The following NPR2 variants were observed in gnomAD, a reference collection of about 807,000 sequenced individuals.
NPR2 encodes natriuretic peptide receptor 2.
NPR2 carries 49 observed loss-of-function variants against 120.7 expected under a neutral mutation model. The ratio of observed to expected loss-of-function variants is 0.41; its 90% CI spans 0.32 to 0.52. The LOEUF is 0.52. Among genes scored for constraint, NPR2 ranks in the 20% least tolerant of loss-of-function variants. NPR2 has a pLI of 0.36. For missense variants in NPR2, 931 were observed against 1,362.9 expected, an observed-to-expected ratio of 0.68 and a Z score of 4.99; for synonymous variants, 484 against 519.8, an observed-to-expected ratio of 0.93 and a Z score of 0.94.
In NPR2 at chr9:35,792,838, C is replaced by A; in HGVS notation, c.430C>A (p.Pro144Thr). ...DHYRTLVRTGPSAPKLGEFVV... is the reference protein window; with the variant it reads ...DHYRTLVRTGTSAPKLGEFVV... ...TTATCGTACCCTGGTTCGCACTGGC[C>A]CCTCTGCTCCCAAGCTGGGTGAGTT... Residue 144 changes from proline (P) to threonine (T), a missense_variant, in exon 1 of 22, where the codon CCC becomes ACC. Coordinates refer to ENST00000342694, the MANE Select transcript of NPR2 (RefSeq NM_003995.4). 6.2e-7 allele frequency: 1 copy of A among 1,614,206 alleles called. No individual in the cohort carries two copies. The highest frequency in any genetic ancestry group is 8.5e-7 in the Non-Finnish European group (1 of 1,180,038).
At chr9:35,799,933 A>C in intron 3 of NPR2, 89 bp from the exon 4 acceptor site, 7 of 1,583,912 alleles carry the variant, frequency 4.4e-6, no homozygotes, top group Non-Finnish European at 6.1e-6. Context: ...GCAAACCAGA[A>C]GAGAGAATAG....
At chr9:35,803,177 C>A in intron 12 of NPR2, among the ~76,000 whole-genome samples, 1 of 82,330 alleles carries the variant, frequency 1.2e-5, no homozygotes, top group South Asian at 3.1e-4. Context: ...GATCTCGGCT[C>A]ACTGCAAGCT....
chr9:35,807,226 T>C, intron 17 of NPR2, 80 bp downstream of exon 17: 1 of 1,491,490 alleles, frequency 6.7e-7, no homozygotes, highest in Non-Finnish European at 9.4e-7. Flanking sequence ...ATAGGAAAGA[T>C]GAGTTTGTTC....
chr9:35,801,869 C>T (rs1304099924), intron 8 of NPR2, 57 bp from the exon 9 acceptor site: 6 of 1,601,458 alleles, frequency 3.7e-6, no homozygotes, highest in African/African-American at 1.3e-5. Context: ...CCCTGCACTA[C>T]CACCATCATC....
intron 2 of NPR2, 146 bp downstream of exon 2, chr9:35,794,249 T>G (rs1827879665): frequency 1.4e-6 from 1 of 738,026 alleles, no homozygotes; most frequent in Admixed American, 2.9e-5. Context: ...CTGAGTCTAG[T>G]GTCACCCTTT....
Position 35,802,005 on chromosome 9 carries a change from A to G in NPR2, c.1632+5A>G, listed in dbSNP as rs1039835820. The G allele has an allele frequency of 3.7e-6, 6 of 1,613,436 alleles. No individual in the cohort carries two copies. Among genetic ancestry groups the G allele is most frequent in the Admixed American group, 3.3e-5 (2 of 60,028 alleles). Reference sequence around the variant, plus strand: ...GCCAACACCGGTCACTTCAAGGTGAACAGTCATTTGCTTGTTCTGGTCCCC... The same window carrying G: ...GCCAACACCGGTCACTTCAAGGTGAGCAGTCATTTGCTTGTTCTGGTCCCC... On this transcript the variant is annotated splice_donor_5th_base_variant and intron_variant, in intron 9 of 21. Transcript: ENST00000342694. The surrounding 1 kb of genome is among the most constrained non-coding windows in gnomAD (Gnocchi z 4.2).
Position 35,801,125 on chromosome 9 carries a change from G to A in NPR2, c.1407G>A (p.Met469Ile), listed in dbSNP as rs772852755. The change falls in exon 7 of 22, where the codon ATG becomes ATA. Residue 469 changes from methionine (M) to isoleucine (I), a missense_variant. Physicochemically the swap from Met to Ile is conservative, Grantham distance 10. This residue lies in a region of NPR2 where 681 missense variants were observed against 974.3 expected (regional missense o/e 0.70). Transcript: ENST00000342694. Reference protein sequence around the residue: ...VALGTGITFIMFGVSSFLIFR... With the variant: ...VALGTGITFIIFGVSSFLIFR... ...TGGGCACAGGAATCACCTTCATCAT[G>A]TTTGGTGTTTCCAGCTTCCTAATTT... is the stretch of plus-strand genomic sequence containing the variant. 45 of 1,613,982 alleles carry A rather than the reference G, an allele frequency of 2.8e-5. No homozygotes were observed. Among genetic ancestry groups the A allele is most frequent in the Non-Finnish European group, 3.6e-5 (43 of 1,179,960 alleles).
rs1231486052 is a variant in NPR2, at chr9:35,809,276, T to C, written c.3078+29T>C. 2.5e-6 allele frequency: 4 copies of C among 1,610,702 alleles called. No homozygotes were observed. The highest frequency in any genetic ancestry group is 2.7e-5 in the African/African-American group (2 of 74,578). ...ATGGCAGGCCATGGGGAGGGGGGCA[T>C]GGAAAGGGAGGGTGAAAGTGATTAT... is the stretch of plus-strand genomic sequence containing the variant. On this transcript the variant is annotated intron_variant, in intron 21 of 21. Coordinates refer to ENST00000342694, the MANE Select transcript of NPR2 (RefSeq NM_003995.4). The surrounding 1 kb of genome is among the most constrained non-coding windows in gnomAD (Gnocchi z 4.1).
chr9:35,793,523 A>G (rs1349124553), intron 1 of NPR2, among the ~76,000 whole-genome samples: 1 of 152,136 alleles, frequency 6.6e-6, no homozygotes, highest in East Asian at 1.9e-4. Flanking sequence ...TGGGAAAGAC[A>G]GATAAAGCTC....
At position 35,802,977 on chromosome 9, in the gene NPR2, G is replaced by A. The variant is rs1289335983; in HGVS notation, c.1887+174G>A. Among the ~76,000 whole-genome samples, 3 of 152,182 alleles carry A rather than the reference G, an allele frequency of 2.0e-5. No individual in the cohort carries two copies. The highest frequency in any genetic ancestry group is 1.5e-5 in the Non-Finnish European group (1 of 68,026). On this transcript the variant is annotated intron_variant, in intron 12 of 21. Transcript: ENST00000342694. The surrounding 1 kb of genome is among the most constrained non-coding windows in gnomAD (Gnocchi z 4.2). Reference sequence around the variant, plus strand: ...GTCTGGGGCTTATAACTGGGACAGTGAGTTTTACCTGCCACAAGGAGTCCT... The same window carrying A: ...GTCTGGGGCTTATAACTGGGACAGTAAGTTTTACCTGCCACAAGGAGTCCT...
chr9:35,799,709 G>T lies in NPR2; in HGVS notation c.965G>T (p.Gly322Val). ...CTGATAAGAGCCCGGGAAGACTTTG[G>T]TGTGGAGCTGGGCCCTTCCCTGGTA... is the stretch of plus-strand genomic sequence containing the variant. ...RLLIRAREDF[G>V]VELGPSLMNL... The change falls in exon 3 of 22, where the codon GGT becomes GTT. Residue 322 changes from glycine (G) to valine (V), a missense_variant. Physicochemically the swap from Gly to Val is moderately radical, Grantham distance 109. Around this residue, in one of 3 missense-constraint regions of NPR2, gnomAD observed 681 missense variants for 974.3 expected, o/e 0.70. Transcript: ENST00000342694. 1 of 1,614,026 alleles carries T rather than the reference G, an allele frequency of 6.2e-7. No homozygotes were observed. The highest frequency in any genetic ancestry group is 8.5e-7 in the Non-Finnish European group (1 of 1,179,946).
chr9:35,795,174 C>T (rs968436824), intron 2 of NPR2, among the ~76,000 whole-genome samples: 1 of 152,168 alleles, frequency 6.6e-6, no homozygotes, highest in South Asian at 2.1e-4. Context: ...CCTCCTGGTA[C>T]CCTCATGCTG....
Position 35,808,493 on chromosome 9 carries a change from T to TC in NPR2, c.2713-11dup. 1 of 1,613,292 alleles carries TC rather than the reference T, an allele frequency of 6.2e-7. No homozygotes were observed. On this transcript the variant is annotated splice_polypyrimidine_tract_variant and intron_variant, in intron 18 of 21. Coordinates refer to ENST00000342694, the MANE Select transcript of NPR2 (RefSeq NM_003995.4). This position sits in a 1 kb window ranked among gnomAD's most constrained non-coding sequence, Gnocchi z 4.0. ...GATATAAATAGAGGTGACCTTTTAA[T>TC]CCCCCTCTCAATCAGGTGGAGACGA...
chr9:35,798,171 T>C (rs964028753), intron 2 of NPR2, among the ~76,000 whole-genome samples: 2 of 152,246 alleles, frequency 1.3e-5, no homozygotes, highest in African/African-American at 4.8e-5. Flanking sequence ...GTGTTTAAAA[T>C]GTGTTAAAAA....
chr9:35,801,739 A>T lies in NPR2; in HGVS notation c.1533A>T (p.Ala511=). The T allele has an allele frequency of 6.2e-7, 1 of 1,614,212 alleles. No homozygotes were observed. Among genetic ancestry groups the T allele is most frequent in the South Asian group, 1.1e-5 (1 of 91,084 alleles). Residue 511 remains alanine, a synonymous_variant, in exon 8 of 22, where the codon GCA becomes GCT. Coordinates refer to ENST00000342694, the MANE Select transcript of NPR2 (RefSeq NM_003995.4). ...FGNSERYHKG[A]GSRLTLSLRG... ...ACTCAGAGCGTTATCACAAAGGTGC[A>T]GGCAGTCGCCTCACACTGTCGCTGG...
intron 18 of NPR2, among the ~76,000 whole-genome samples, chr9:35,807,731 C>T (rs936240100): frequency 1.3e-5 from 2 of 152,184 alleles, no homozygotes; most frequent in African/African-American, 4.8e-5. Context: ...GATGTGGGTC[C>T]AGACTGATTT....
At chr9:35,799,871 C>T (rs1828078764) in intron 3 of NPR2, 140 bp downstream of exon 3, 4 of 1,398,918 alleles carry the variant, frequency 2.9e-6, no homozygotes, top group African/African-American at 2.8e-5. Context: ...TTTCCTTCTG[C>T]CCTATGGAGT....
chr9:35,807,200 G>A, intron 17 of NPR2, 54 bp downstream of exon 17: 1 of 1,470,058 alleles, frequency 6.8e-7, no homozygotes. Flanking sequence ...AGGGACCTGG[G>A]GAAGCCTCAT....
chr9:35,802,195 C>T lies in NPR2; in HGVS notation c.1633-11C>T. On this transcript the variant is annotated splice_polypyrimidine_tract_variant and intron_variant, in intron 9 of 21. Transcript: ENST00000342694. This position sits in a 1 kb window ranked among gnomAD's most constrained non-coding sequence, Gnocchi z 4.2. ...ATTCACTTTCCTTTCCCCTTTCACT[C>T]CCACCATCAGGGAAATGTTGTCGCC... 2 of 1,570,730 alleles carry T rather than the reference C, an allele frequency of 1.3e-6. No homozygotes were observed. Among genetic ancestry groups the T allele is most frequent in the Non-Finnish European group, 1.8e-6 (2 of 1,140,522 alleles).
Sources: allele counts gnomAD v4.1 joint callset (sites outside exome capture counted in the v4.1 genomes callset), GRCh38; gene constraint gnomAD v4.1.1; regional missense constraint gnomAD v4.1.1; non-coding constraint Gnocchi (gnomAD v3.1); transcripts MANE v1.5; gene names NCBI Gene and HGNC (gene_info 2026-07-23, HGNC 2026-07-21).